MYO16: variants seen among roughly 807,000 people sequenced by gnomAD.
MYO16 encodes myosin XVI, also known as unconventional myosin-XVI.
In MYO16, 94 loss-of-function variants were observed where a neutral mutation model predicts 205.3. The observed-to-expected ratio is 0.46, with a 90% CI of 0.39 to 0.54. The LOEUF is 0.54. Ranked by LOEUF, MYO16 falls within the 20% of genes least tolerant of loss-of-function variation. The pLI is 0.00. For synonymous variants in MYO16, 988 were observed against 954.0 expected (o/e 1.04, Z -0.66); for missense variants, 2,315 against 2,387.5 (o/e 0.97, Z 0.63).
intron 10 of MYO16, among the ~76,000 whole-genome samples, chr13:108,845,501 A>C (rs1418951572): frequency 2.0e-5 from 3 of 152,080 alleles, no homozygotes; most frequent in Admixed American, 2.0e-4. Context: ...GGAAGGAGGA[A>C]GAGGCAGGGA....
intron 9 of MYO16, among the ~76,000 whole-genome samples, chr13:108,840,721 G>A (rs1877200180): frequency 6.6e-6 from 1 of 152,068 alleles, no homozygotes; most frequent in Admixed American, 6.6e-5. Flanking sequence ...ACTTTTTGTA[G>A]AGAAGGGGCT....
the MYO16 span, among the ~76,000 whole-genome samples, chr13:108,525,748 G>A: frequency 2.7e-3 from 405 of 152,246 alleles, 3 homozygotes; most frequent in African/African-American, 9.1e-3. Flanking sequence ...CTTGAAGAGG[G>A]TTTCACGAGA....
rs1295827254 is a variant in MYO16 at position 108,928,825 on chromosome 13, A to G, written c.1925+18675A>G. Among the ~76,000 whole-genome samples the G allele has an allele frequency of 5.3e-5, 8 of 152,326 alleles. No individual in the cohort carries two copies. The East Asian group carries it at 1.5e-3, about 29-fold the overall frequency. On this transcript the variant is annotated intron_variant, in intron 16 of 34. Transcript: ENST00000457511. ...CTTCATACCAAAATCTGTACTTTTC[A>G]TATCAAACTATATTTCAGACACGTG...
chr13:109,162,681 T>G lies in MYO16; in HGVS notation c.5165-2220T>G, dbSNP rs1161372461. On this transcript the variant is annotated intron_variant, in intron 32 of 34. Transcript: ENST00000457511. This position sits in a 1 kb window ranked among gnomAD's most constrained non-coding sequence, Gnocchi z 4.6. ...AGGTACCAGGCAGTGGTATTCATTA[T>G]GTATCTCCCGCACTCAGTGAGTATC... Among the ~76,000 whole-genome samples, 1 of 152,188 alleles carries G rather than the reference T, an allele frequency of 6.6e-6. No homozygotes were observed. The highest frequency in any genetic ancestry group is 1.5e-5 in the Non-Finnish European group (1 of 68,036).
At chr13:108,538,369 A>G in the MYO16 span, among the ~76,000 whole-genome samples, 16 of 152,226 alleles carry the variant, frequency 1.1e-4, no homozygotes, top group East Asian at 2.7e-3. Flanking sequence ...CCAATGTTAA[A>G]CAAGGTAAGT....
chr13:109,207,200 G>A lies in MYO16; in HGVS notation c.*364G>A, dbSNP rs376819602. The A allele has an allele frequency of 7.8e-5, 16 of 205,580 alleles. No homozygotes were observed. The highest frequency in any genetic ancestry group is 2.4e-4 in the East Asian group (2 of 8,476). 12.7% of individuals were successfully genotyped at this position (205,580 alleles called of 1,614,324 possible). A position where few individuals can be genotyped will look rare whatever the true frequency, so the allele number is the denominator to read the frequency against. ...ACACTCTGTACAGTTGTTTTTCTACGGTTCAACAGTCTGTTTATTGTACTT... is the reference window on the plus strand; with the variant it reads ...ACACTCTGTACAGTTGTTTTTCTACAGTTCAACAGTCTGTTTATTGTACTT... On this transcript the variant is annotated 3_prime_UTR_variant, in exon 35 of 35. Coordinates refer to ENST00000457511, the MANE Select transcript of MYO16 (RefSeq NM_001198950.3).
chr13:108,717,075 C>CA lies in MYO16; in HGVS notation c.363+4355dup, dbSNP rs11345209. On this transcript the variant is annotated intron_variant, in intron 3 of 34. Coordinates refer to ENST00000457511, the MANE Select transcript of MYO16 (RefSeq NM_001198950.3). ...AAGAAACCTTAGATTTAACTCTTTA[C>CA]AAAAAAAAAAATTATGTTTATGAAG... Among the ~76,000 whole-genome samples the CA allele has an allele frequency of 2.1e-3, 308 of 147,306 alleles. 5 individuals carry two copies. The East Asian group carries it at 0.033, about 16-fold the overall frequency.
chr13:109,025,406 C>T (rs946776790), intron 23 of MYO16, among the ~76,000 whole-genome samples: 1 of 152,122 alleles, frequency 6.6e-6, no homozygotes, highest in Non-Finnish European at 1.5e-5. Flanking sequence ...TTTTTCATTA[C>T]TCATAGGAGC....
intron 24 of MYO16, among the ~76,000 whole-genome samples, chr13:109,048,126 T>G (rs1363309502): frequency 2.0e-5 from 3 of 151,154 alleles, no homozygotes; most frequent in Non-Finnish European, 4.4e-5. Flanking sequence ...ATGCTTTTTT[T>G]ACTTTTGTAT....
chr13:108,637,231 G>C lies in MYO16; in HGVS notation c.28+7359G>C, dbSNP rs567320419. Among the ~76,000 whole-genome samples the C allele has an allele frequency of 7.9e-4, 120 of 152,166 alleles. 1 individual carries two copies. The highest frequency in any genetic ancestry group is 2.9e-3 in the African/African-American group (119 of 41,504). ...ACCTAATGATATATCTTTGTGTTTT[G>C]CTCCGTGTTGACGTTGCATTATTTA... On this transcript the variant is annotated intron_variant, in intron 1 of 34. Coordinates refer to ENST00000457511, the MANE Select transcript of MYO16 (RefSeq NM_001198950.3).
At chr13:108,856,212 T>C (rs2567245) in intron 11 of MYO16, among the ~76,000 whole-genome samples, 41,717 of 152,106 alleles carry the variant, frequency 0.27, 6,017 homozygotes, top group East Asian at 0.43. Context: ...CTTTTTCTCT[T>C]CCACTCTCTG....
At chr13:108,587,321 G>T in the MYO16 span, among the ~76,000 whole-genome samples, 1 of 152,108 alleles carries the variant, frequency 6.6e-6, no homozygotes, top group African/African-American at 2.4e-5. Flanking sequence ...CTGGCTTTCT[G>T]AGAAAAGAAT....
chr13:108,894,353 T>C (rs1880314647), intron 14 of MYO16, among the ~76,000 whole-genome samples: 1 of 151,908 alleles, frequency 6.6e-6, no homozygotes, highest in South Asian at 2.1e-4. Flanking sequence ...CACTGAGGAG[T>C]AGAGAAACTC....
At chr13:108,819,930 G>T (rs554734165) in intron 7 of MYO16, among the ~76,000 whole-genome samples, 3 of 152,156 alleles carry the variant, frequency 2.0e-5, no homozygotes. Context: ...ACACTGTCCT[G>T]TTGTACTTTG....
Position 109,167,718 on chromosome 13 carries a change from C to T in MYO16, c.5323+2659C>T, listed in dbSNP as rs570696968. On this transcript the variant is annotated intron_variant, in intron 33 of 34. Coordinates refer to ENST00000457511, the MANE Select transcript of MYO16 (RefSeq NM_001198950.3). The stretch of plus-strand genomic sequence containing the variant: ...TAGTAAAACACCTATAAAATAAAGA[C>T]CGAGAATTAATTTTAAAAGCAGTTA... Among the ~76,000 whole-genome samples the T allele has an allele frequency of 2.0e-5, 3 of 152,160 alleles. No homozygotes were observed. The East Asian group carries it at 5.8e-4, about 29-fold the overall frequency.
intron 6 of MYO16, among the ~76,000 whole-genome samples, chr13:108,797,320 G>C (rs1335040700): frequency 1.3e-5 from 2 of 152,310 alleles, no homozygotes; most frequent in African/African-American, 2.4e-5. Flanking sequence ...GAAAGAATTT[G>C]AGGAACATTA....
the MYO16 span, among the ~76,000 whole-genome samples, chr13:108,520,531 T>G: frequency 0.014 from 2,131 of 152,338 alleles, 17 homozygotes; most frequent in Non-Finnish European, 0.023. Flanking sequence ...TTATTAATCT[T>G]GATTCATTGC....
At chr13:108,810,826 G>A (rs953723279) in intron 7 of MYO16, among the ~76,000 whole-genome samples, 8 of 152,264 alleles carry the variant, frequency 5.3e-5, no homozygotes, top group African/African-American at 1.9e-4. Context: ...TTATGGAGAA[G>A]GAGGTAGCTC....
the MYO16 span, among the ~76,000 whole-genome samples, chr13:108,564,209 T>C: frequency 2.0e-5 from 3 of 150,102 alleles, no homozygotes; most frequent in Non-Finnish European, 4.4e-5. Context: ...CTCGCTCTCT[T>C]GCCCAGGCTG....
Sources: allele counts gnomAD v4.1 joint callset (sites outside exome capture counted in the v4.1 genomes callset), GRCh38; gene constraint gnomAD v4.1.1; non-coding constraint Gnocchi (gnomAD v3.1); transcripts MANE v1.5; gene names NCBI Gene and HGNC (gene_info 2026-07-23, HGNC 2026-07-21).